Variants in MAD1L1 observed in about 807,000 individuals in gnomAD.
The protein encoded by MAD1L1 is mitotic spindle assembly checkpoint protein MAD1.
MAD1L1 carries 95 observed loss-of-function variants against 96.9 expected under a neutral mutation model. That is an observed-to-expected ratio of 0.98 (90% CI 0.83 to 1.16). The LOEUF is 1.16. Among genes scored for constraint, MAD1L1 ranks in the 50% most tolerant of loss-of-function variants. The probability of loss-of-function intolerance (pLI) is 0.00; values close to 1 mark genes in which losing one functional copy is unlikely to be tolerated. For synonymous variants in MAD1L1, 473 were observed against 396.6 expected (o/e 1.19, Z -2.29); for missense variants, 1,007 against 954.4 (o/e 1.06, Z -0.73).
chr7:2,017,622 C>T (rs1014034230), intron 12 of MAD1L1, among the ~76,000 whole-genome samples: 3 of 152,168 alleles, frequency 2.0e-5, no homozygotes, highest in Non-Finnish European at 4.4e-5. Context: ...GGGAAGGGCA[C>T]TCCAATCAGA....
chr7:2,225,641 G>A lies in MAD1L1; in HGVS notation c.151-91C>T. On this transcript the variant is annotated intron_variant, in intron 3 of 18. Coordinates refer to ENST00000265854, the MANE Select transcript of MAD1L1 (RefSeq NM_001013836.2). ...CAGTGCAGCAGACACACTCCCTGAGGACCCATTCCCGCAGGTCCCGTGCTA... is the reference window on the plus strand; with the variant it reads ...CAGTGCAGCAGACACACTCCCTGAGAACCCATTCCCGCAGGTCCCGTGCTA... 1.4e-6 allele frequency: 2 copies of A among 1,399,586 alleles called. 1 individual carries two copies. Among genetic ancestry groups the A allele is most frequent in the Non-Finnish European group, 2.0e-6 (2 of 1,022,078 alleles). 86.7% of individuals were successfully genotyped at this position (1,399,586 alleles called of 1,614,324 possible).
chr7:2,060,141 A>C (rs760830860), intron 12 of MAD1L1, among the ~76,000 whole-genome samples: 4 of 147,880 alleles, frequency 2.7e-5, no homozygotes, highest in Non-Finnish European at 6.0e-5. Context: ...CGAGATACGC[A>C]GATGCCAAGA....
rs78107551 is a variant in MAD1L1 at position 2,088,088 on chromosome 7, C to T, written c.1074-18750G>A. Among the ~76,000 whole-genome samples, 552 of 152,310 alleles carry T rather than the reference C, an allele frequency of 3.6e-3. 2 individuals are homozygous for T. Among genetic ancestry groups the T allele is most frequent in the African/African-American group, 0.013 (527 of 41,560 alleles). The stretch of plus-strand genomic sequence containing the variant: ...AAGACTGGGACTCGGACCACACTGA[C>T]TTCTCCCCTTTAAAAGTCTACACAC... On this transcript the variant is annotated intron_variant, in intron 11 of 18. Coordinates refer to ENST00000265854, the MANE Select transcript of MAD1L1 (RefSeq NM_001013836.2). This position sits in a 1 kb window ranked among gnomAD's most constrained non-coding sequence, Gnocchi z 4.4.
chr7:1,954,770 G>T (rs1283225282), intron 16 of MAD1L1, among the ~76,000 whole-genome samples: 1 of 152,146 alleles, frequency 6.6e-6, no homozygotes, highest in Non-Finnish European at 1.5e-5. Context: ...TCCCCATCTA[G>T]AGAGGGGGCG....
chr7:2,227,468 G>A (rs981301721), intron 3 of MAD1L1, among the ~76,000 whole-genome samples: 2 of 152,184 alleles, frequency 1.3e-5, no homozygotes, highest in African/African-American at 4.8e-5. Flanking sequence ...GTGGTCACAT[G>A]TGTCTGCTGC....
chr7:2,219,263 A>G lies in MAD1L1; in HGVS notation c.596+69T>C, dbSNP rs574554334. ...TGTATCCACATCCCACCCAGCCACC[A>G]GGAGAGAGGTGGGACGCATGCCCCC... On this transcript the variant is annotated intron_variant, in intron 6 of 18. Transcript: ENST00000265854. The G allele has an allele frequency of 3.4e-5, 48 of 1,409,818 alleles. No homozygotes were observed. The African/African-American group carries it at 5.4e-4, about 16-fold the overall frequency. The allele number at this position is 1,409,818 out of a possible 1,614,324, so 87.3% of individuals were successfully genotyped here.
intron 18 of MAD1L1, among the ~76,000 whole-genome samples, chr7:1,825,353 C>T (rs1383977170): frequency 6.6e-6 from 1 of 152,218 alleles, no homozygotes; most frequent in East Asian, 1.9e-4. Context: ...TGTCCTGGGC[C>T]TGGGGTGCCA....
chr7:2,070,299 G>A (rs539769045), intron 11 of MAD1L1, among the ~76,000 whole-genome samples: 37 of 152,248 alleles, frequency 2.4e-4, no homozygotes, highest in Admixed American at 7.8e-4. Context: ...ACCTCCTCAC[G>A]GGAGGGGCTC....
At chr7:2,121,853 G>A (rs75924996) in intron 11 of MAD1L1, among the ~76,000 whole-genome samples, 21 of 152,274 alleles carry the variant, frequency 1.4e-4, no homozygotes, top group African/African-American at 4.6e-4. Flanking sequence ...CTCCAGCACC[G>A]GGCAGGGGCT....
intron 11 of MAD1L1, among the ~76,000 whole-genome samples, chr7:2,144,301 T>A (rs1441479361): frequency 6.6e-6 from 1 of 152,198 alleles, no homozygotes; most frequent in Non-Finnish European, 1.5e-5. Flanking sequence ...AGACAAACAC[T>A]GACTGCTCTC....
At chr7:2,209,288 G>A (rs763725246) in intron 10 of MAD1L1, among the ~76,000 whole-genome samples, 2 of 152,156 alleles carry the variant, frequency 1.3e-5, no homozygotes, top group Non-Finnish European at 2.9e-5. Context: ...TCTCTCCTGG[G>A]GCTCAGCCAG....
At chr7:2,128,116 G>A (rs1197327332) in intron 11 of MAD1L1, among the ~76,000 whole-genome samples, 1 of 152,204 alleles carries the variant, frequency 6.6e-6, no homozygotes, top group African/African-American at 2.4e-5. Flanking sequence ...CCCCTGTTGA[G>A]GAGCTGCTGA....
chr7:2,102,703 C>T (rs965916121), intron 11 of MAD1L1, among the ~76,000 whole-genome samples: 1 of 150,946 alleles, frequency 6.6e-6, no homozygotes, highest in Admixed American at 6.6e-5. Context: ...CCATCACCAC[C>T]GTCACCAGCA....
chr7:2,075,231 G>C, intron 11 of MAD1L1, among the ~76,000 whole-genome samples: 1 of 152,210 alleles, frequency 6.6e-6, no homozygotes, highest in Non-Finnish European at 1.5e-5. Flanking sequence ...CCAGAGTGCA[G>C]CCTAAAGGCC....
At chr7:1,999,508 C>T (rs956645791) in intron 14 of MAD1L1, among the ~76,000 whole-genome samples, 3 of 152,190 alleles carry the variant, frequency 2.0e-5, no homozygotes, top group Non-Finnish European at 4.4e-5. Flanking sequence ...AGAAGCCTGA[C>T]GCCCAACCTG....
intron 18 of MAD1L1, among the ~76,000 whole-genome samples, chr7:1,825,648 C>A (rs962154564): frequency 2.0e-5 from 3 of 152,242 alleles, no homozygotes; most frequent in Admixed American, 6.5e-5. Flanking sequence ...CGCCTGTGAA[C>A]AGTGCTGGGC....
chr7:2,220,044 G>A (rs575340527), intron 5 of MAD1L1, among the ~76,000 whole-genome samples: 4 of 152,298 alleles, frequency 2.6e-5, no homozygotes, highest in East Asian at 1.9e-4. Flanking sequence ...CCCTCCAACC[G>A]TGGCTCCTGT....
intron 11 of MAD1L1, among the ~76,000 whole-genome samples, chr7:2,104,154 G>A (rs1042609343): frequency 6.6e-5 from 10 of 152,330 alleles, no homozygotes; most frequent in East Asian, 5.8e-4. Flanking sequence ...TTAGAACCAC[G>A]GCAGGCTGGG....
At chr7:2,152,887 A>G (rs902949889) in intron 10 of MAD1L1, among the ~76,000 whole-genome samples, 2 of 152,192 alleles carry the variant, frequency 1.3e-5, no homozygotes, top group African/African-American at 4.8e-5. Flanking sequence ...TGCACCGTGG[A>G]GGCGGTGTCT....
Sources: gnomAD v4.1 joint callset for allele counts (sites outside exome capture counted in the v4.1 genomes callset) on GRCh38, gnomAD v4.1.1 for gene constraint, Gnocchi (gnomAD v3.1) non-coding constraint, MANE v1.5 for transcripts, NCBI Gene and HGNC (gene_info 2026-07-23, HGNC 2026-07-21) for gene names.